Variants in ZNF521 observed in about 807,000 individuals in gnomAD.
The protein encoded by ZNF521 is LYST-interacting protein 3.
Under a neutral mutation model 105.5 loss-of-function variants are expected in ZNF521, and 14 were observed. The ratio of observed to expected loss-of-function variants is 0.13; its 90% CI spans 0.09 to 0.21. The LOEUF is 0.21. Ranked by LOEUF, ZNF521 falls within the 10% of genes least tolerant of loss-of-function variation. The pLI is 1.00. For missense variants in ZNF521, 1,233 were observed against 1,629.7 expected (o/e 0.76, Z 4.19); for synonymous variants, 635 against 606.0 (o/e 1.05, Z -0.70).
chr18:25,350,589 T>G (rs1048622190), intron 2 of ZNF521, among the ~76,000 whole-genome samples: 1 of 151,828 alleles, frequency 6.6e-6, no homozygotes, highest in Non-Finnish European at 1.5e-5. Flanking sequence ...GACGGGATAT[T>G]TTTTTTTCCT....
intron 2 of ZNF521, among the ~76,000 whole-genome samples, chr18:25,330,026 T>G (rs967261140): frequency 6.6e-6 from 1 of 152,214 alleles, no homozygotes; most frequent in African/African-American, 2.4e-5. Flanking sequence ...GAGCCATTCC[T>G]AGACAGGAGC....
intron 5 of ZNF521, among the ~76,000 whole-genome samples, chr18:25,170,096 T>C (rs1409921849): frequency 2.0e-5 from 3 of 151,984 alleles, no homozygotes; most frequent in Non-Finnish European, 1.5e-5. Context: ...CTGCAGATGT[T>C]AATAGAAGTA....
chr18:25,219,349 T>A (rs989582096), intron 4 of ZNF521, among the ~76,000 whole-genome samples: 73 of 152,108 alleles, frequency 4.8e-4, no homozygotes, highest in African/African-American at 1.7e-3. Context: ...AGGAAGTGAC[T>A]GAGAAGATCG....
Position 25,227,575 on chromosome 18 carries a change from C to G in ZNF521, c.343G>C (p.Gly115Arg). 6.2e-7 allele frequency: 1 copy of G among 1,614,148 alleles called. No homozygotes were observed. ...CDFGEEEGGP[G>R]LPYPCQFCDK... ...CAGAATTGACACGGGTATGGAAGCC[C>G]AGGGCCACCTTCTTCCTCTCCAAAA... The change falls in exon 4 of 8, where the codon GGG becomes CGG. Residue 115 changes from glycine (G) to arginine (R), a missense_variant. By Grantham distance (125) the Gly-to-Arg change is moderately radical (BLOSUM62 -2). Around this residue, in one of 6 missense-constraint regions of ZNF521, gnomAD observed 85 missense variants for 162.2 expected, o/e 0.52. Transcript: ENST00000361524. This position sits in a 1 kb window ranked among gnomAD's most constrained non-coding sequence, Gnocchi z 5.7.
chr18:25,126,465 T>C (rs2034541387), intron 5 of ZNF521, among the ~76,000 whole-genome samples: 1 of 152,132 alleles, frequency 6.6e-6, no homozygotes, highest in Non-Finnish European at 1.5e-5. Flanking sequence ...CTCTGTAGTT[T>C]CAATTAGTTA....
At chr18:25,272,925 G>A (rs1306999443) in intron 3 of ZNF521, among the ~76,000 whole-genome samples, 3 of 151,360 alleles carry the variant, frequency 2.0e-5, no homozygotes, top group Admixed American at 6.6e-5. Context: ...ATAAAAAACT[G>A]TAAATCCTAA....
intron 2 of ZNF521, chr18:25,322,465 T>A (rs1213499438): frequency 7.0e-6 from 3 of 429,680 alleles, no homozygotes; most frequent in African/African-American, 4.1e-5. Context: ...GACTTTACCA[T>A]TTTTTTCATA....
chr18:25,328,276 G>A (rs1913347794), intron 2 of ZNF521, among the ~76,000 whole-genome samples: 1 of 152,118 alleles, frequency 6.6e-6, no homozygotes, highest in Non-Finnish European at 1.5e-5. Flanking sequence ...GAAGACCAAA[G>A]AGAAATATCA....
chr18:25,142,744 C>A (rs562187513), intron 5 of ZNF521, among the ~76,000 whole-genome samples: 7 of 113,596 alleles, frequency 6.2e-5, no homozygotes, highest in Admixed American at 6.1e-4. Flanking sequence ...AGATCCTGTA[C>A]ATTCCCTTTT....
At chr18:25,112,239 C>T (rs1600045065) in intron 5 of ZNF521, among the ~76,000 whole-genome samples, 1 of 152,208 alleles carries the variant, frequency 6.6e-6, no homozygotes, top group South Asian at 2.1e-4. Flanking sequence ...ATCCAGATAT[C>T]ATCTCAGCTC....
At chr18:25,319,415 A>T (rs1912813697) in intron 3 of ZNF521, among the ~76,000 whole-genome samples, 1 of 152,048 alleles carries the variant, frequency 6.6e-6, no homozygotes, top group South Asian at 2.1e-4. Flanking sequence ...TCAACATGGC[A>T]AAACCCTGTC....
chr18:25,240,126 G>A (rs1249741907), intron 3 of ZNF521, among the ~76,000 whole-genome samples: 3 of 152,132 alleles, frequency 2.0e-5, no homozygotes, highest in African/African-American at 7.2e-5. Context: ...ACTCCGTTTT[G>A]AAATACTCTG....
At chr18:25,074,237 T>C (rs1284077234) in intron 7 of ZNF521, among the ~76,000 whole-genome samples, 1 of 152,264 alleles carries the variant, frequency 6.6e-6, no homozygotes, top group Non-Finnish European at 1.5e-5. Flanking sequence ...TCTGGGGACT[T>C]ATTCCTGCAT....
intron 3 of ZNF521, among the ~76,000 whole-genome samples, chr18:25,266,486 T>C (rs1317667922): frequency 6.7e-6 from 1 of 150,324 alleles, no homozygotes; most frequent in Non-Finnish European, 1.5e-5. Flanking sequence ...ACAGGTCCGG[T>C]CTGCAGCTCC....
chr18:25,311,380 A>G (rs575778625), intron 3 of ZNF521, among the ~76,000 whole-genome samples: 7 of 122,982 alleles, frequency 5.7e-5, no homozygotes, highest in Non-Finnish European at 8.7e-5. Context: ...TCAAGCAAAA[A>G]TGTAAAAAAA....
chr18:25,162,552 T>G (rs887098105), intron 5 of ZNF521, among the ~76,000 whole-genome samples: 2 of 152,192 alleles, frequency 1.3e-5, no homozygotes, highest in Admixed American at 1.3e-4. Flanking sequence ...GCCAATACAT[T>G]TTTAAATGTT....
chr18:25,243,357 T>A (rs1237363803), intron 3 of ZNF521, among the ~76,000 whole-genome samples: 2 of 152,180 alleles, frequency 1.3e-5, no homozygotes, highest in African/African-American at 2.4e-5. Flanking sequence ...ATAACTTCAT[T>A]CCCTCAGGGT....
intron 4 of ZNF521, among the ~76,000 whole-genome samples, chr18:25,214,040 T>C (rs1458859678): frequency 1.3e-5 from 2 of 152,108 alleles, no homozygotes; most frequent in African/African-American, 4.8e-5. Flanking sequence ...AAATTTCAGA[T>C]ATCACTCACC....
chr18:25,092,614 C>G (rs994684620), intron 5 of ZNF521, among the ~76,000 whole-genome samples: 1 of 152,184 alleles, frequency 6.6e-6, no homozygotes, highest in Non-Finnish European at 1.5e-5. Context: ...GCCCTTTTCT[C>G]TGCTTCGCAC....
Sources: allele counts gnomAD v4.1 joint callset (sites outside exome capture counted in the v4.1 genomes callset), GRCh38; gene constraint gnomAD v4.1.1; regional missense constraint gnomAD v4.1.1; non-coding constraint Gnocchi (gnomAD v3.1); transcripts MANE v1.5; gene names NCBI Gene and HGNC (gene_info 2026-07-23, HGNC 2026-07-21).